AP3M1: variants seen among roughly 807,000 people sequenced by gnomAD.
The protein encoded by AP3M1 is adaptor related protein complex 3 subunit mu 1, also known as AP-3 complex subunit mu-1.
A neutral mutation model predicts 42.6 loss-of-function variants in AP3M1; 29 were observed. The ratio of observed to expected loss-of-function variants is 0.68; its 90% CI spans 0.51 to 0.93. AP3M1 has a LOEUF of 0.93. AP3M1 is among the 40% of genes least tolerant of loss of function. AP3M1 has a pLI of 0.00. For synonymous variants in AP3M1, 178 were observed against 175.3 expected (o/e 1.02, Z -0.12); for missense variants, 416 against 510.2 (o/e 0.82, Z 1.78).
At chr10:74,138,418 A>G (rs776057240) in intron 1 of AP3M1, 36 bp from the exon 2 acceptor site, 1 of 1,547,382 alleles carries the variant, frequency 6.5e-7, no homozygotes, top group Non-Finnish European at 8.8e-7. Context: ...TTTATTATAC[A>G]TTAAATATCA....
chr10:74,133,394 CAA>C (rs112024001), intron 4 of AP3M1, among the ~76,000 whole-genome samples: 10 of 117,750 alleles, frequency 8.5e-5, no homozygotes, highest in Admixed American at 1.7e-4. Context: ...AACTGCGTCT[CAA>C]AAAAAAAAAA....
intron 6 of AP3M1, among the ~76,000 whole-genome samples, chr10:74,126,669 C>G (rs888646284): frequency 6.6e-6 from 1 of 151,818 alleles, no homozygotes; most frequent in Non-Finnish European, 1.5e-5. Context: ...CCAGCCTGGC[C>G]AACATGATGA....
rs3830382 is a variant in AP3M1 at position 74,123,376 on chromosome 10, C to CTT, written c.*433_*434insAA. 116,950 of 159,650 alleles carry CTT rather than the reference C, an allele frequency of 0.73. 43,598 individuals are homozygous for CTT. The highest frequency in any genetic ancestry group is 0.85 in the Middle Eastern group (280 of 330). The allele number at this position is 159,650 out of a possible 1,614,324, so 9.9% of individuals were successfully genotyped here. ...TCTGGGGGTGGGGGGAATTTCCTCT[C>CTT]GGGACAGATACTGGTTTGGGATGGC... On this transcript the variant is annotated 3_prime_UTR_variant, in exon 9 of 9. Coordinates refer to ENST00000355264, the MANE Select transcript of AP3M1 (RefSeq NM_012095.6).
chr10:74,145,090 G>GA (rs1841289762), intron 1 of AP3M1, among the ~76,000 whole-genome samples: 1 of 152,134 alleles, frequency 6.6e-6, no homozygotes, highest in Admixed American at 6.5e-5. Flanking sequence ...TAAAAGCACC[G>GA]ACACAGGTTA....
rs982647715 is a variant in AP3M1 at position 74,123,622 on chromosome 10, A to T, written c.*188T>A. ...AAGATACAAAATAAGCTAAGTCACT[A>T]AAAGGTTTCCTTAGCTTAAAGCTCC... is the stretch of plus-strand genomic sequence containing the variant. On this transcript the variant is annotated 3_prime_UTR_variant, in exon 9 of 9. Coordinates refer to ENST00000355264, the MANE Select transcript of AP3M1 (RefSeq NM_012095.6). 87 of 583,472 alleles carry T rather than the reference A, an allele frequency of 1.5e-4. No individual in the cohort carries two copies. Among genetic ancestry groups the T allele is most frequent in the Non-Finnish European group, 2.1e-4 (68 of 327,834 alleles). The allele number at this position is 583,472 out of a possible 1,614,324, so 36.1% of individuals were successfully genotyped here.
intron 4 of AP3M1, among the ~76,000 whole-genome samples, chr10:74,131,479 T>C (rs1840779734): frequency 2.0e-5 from 3 of 151,822 alleles, no homozygotes; most frequent in Admixed American, 2.0e-4. Context: ...AATAGAATTT[T>C]AAAATGTGGC....
intron 4 of AP3M1, among the ~76,000 whole-genome samples, chr10:74,130,265 A>ACC (rs1177522451): frequency 6.6e-6 from 1 of 152,018 alleles, no homozygotes; most frequent in Non-Finnish European, 1.5e-5. Context: ...CAATAGAGAT[A>ACC]CCCTCTGGGT....
At chr10:74,149,253 T>G (rs907188199) in intron 1 of AP3M1, among the ~76,000 whole-genome samples, 1 of 133,896 alleles carries the variant, frequency 7.5e-6, no homozygotes, top group East Asian at 2.5e-4. Flanking sequence ...AGAGCTTTCC[T>G]AAAGATACGT....
intron 4 of AP3M1, among the ~76,000 whole-genome samples, chr10:74,131,386 C>A (rs1365156701): frequency 6.6e-6 from 1 of 152,000 alleles, no homozygotes; most frequent in Non-Finnish European, 1.5e-5. Context: ...CCAGGATGGT[C>A]TGGATCTCCT....
chr10:74,129,219 AC>A lies in AP3M1; in HGVS notation c.691del (p.Val231SerfsTer39). On this transcript the variant is annotated frameshift_variant, in exon 6 of 9. Transcript: ENST00000355264. LOFTEE classifies it high-confidence loss of function. ...SFMNPRLLDD[V>X]SFHPCIRFKR... ...GAACCGGATGCAGGGGTGAAAGCTGACATCATCCAGAAGCCTAGGGTTCTGC... is the reference window on the plus strand; with the variant it reads ...GAACCGGATGCAGGGGTGAAAGCTGAATCATCCAGAAGCCTAGGGTTCTGC... 6.2e-7 allele frequency: 1 copy of A among 1,614,114 alleles called. No individual in the cohort carries two copies. The highest frequency in any genetic ancestry group is 8.5e-7 in the Non-Finnish European group (1 of 1,180,000).
At chr10:74,128,092 C>T (rs1291021966) in intron 6 of AP3M1, among the ~76,000 whole-genome samples, 3 of 120,504 alleles carry the variant, frequency 2.5e-5, no homozygotes, top group South Asian at 2.6e-4. Flanking sequence ...AAGAGCCAAA[C>T]TCCGGCTTAA....
chr10:74,147,828 GTCTCTACTAAAAA>G (rs1841379011), intron 1 of AP3M1, among the ~76,000 whole-genome samples: 1 of 151,890 alleles, frequency 6.6e-6, no homozygotes, highest in South Asian at 2.1e-4. Flanking sequence ...GCGAAACCCT[GTCTCTACTAAAAA>G]TACAAAAGTT....
rs750468563 is a variant in AP3M1, at chr10:74,129,910, G to A, written c.666C>T (p.Phe222=). The change falls in exon 5 of 9, where the codon TTC becomes TTT. Residue 222 remains phenylalanine, a synonymous_variant. Coordinates refer to ENST00000355264, the MANE Select transcript of AP3M1 (RefSeq NM_012095.6). ...AAAACAGGAGAATAAAACTTACCAT[G>A]AAAGAAAGGGAGAGATCAGGCATTC... The part of the protein sequence containing the change: ...LSGMPDLSLS[F]MNPRLLDDVS... 6.2e-7 allele frequency: 1 copy of A among 1,610,514 alleles called. No homozygotes were observed. The highest frequency in any genetic ancestry group is 8.5e-7 in the Non-Finnish European group (1 of 1,177,126).
At chr10:74,132,195 G>A (rs183628852) in intron 4 of AP3M1, among the ~76,000 whole-genome samples, 2,055 of 151,716 alleles carry the variant, frequency 0.014, 55 homozygotes, top group African/African-American at 0.047. Context: ...CTGCCACCAC[G>A]CCCAGCTAAT....
intron 1 of AP3M1, among the ~76,000 whole-genome samples, chr10:74,144,257 G>A (rs565257434): frequency 1.3e-3 from 204 of 151,764 alleles, no homozygotes; most frequent in African/African-American, 4.5e-3. Context: ...CACCATGCCC[G>A]GCTTTTTTAT....
At chr10:74,146,361 C>G (rs1481918923) in intron 1 of AP3M1, among the ~76,000 whole-genome samples, 2 of 152,050 alleles carry the variant, frequency 1.3e-5, no homozygotes, top group African/African-American at 4.8e-5. Context: ...ATCATGCAAT[C>G]CGATTTACAT....
chr10:74,128,155 C>T (rs926276108), intron 6 of AP3M1, among the ~76,000 whole-genome samples: 1 of 143,558 alleles, frequency 7.0e-6, no homozygotes, highest in Non-Finnish European at 1.5e-5. Flanking sequence ...AATAATTTCT[C>T]TGTTTTTGAG....
chr10:74,126,043 CTTTAGT>C (rs1361350219), intron 7 of AP3M1, 99 bp downstream of exon 7: 2 of 1,212,518 alleles, frequency 1.6e-6, no homozygotes, highest in African/African-American at 1.5e-5. Context: ...TTGATACGAA[CTTTAGT>C]TTTAAACAAG....
chr10:74,126,068 C>G (rs1278002252), intron 7 of AP3M1, 80 bp downstream of exon 7: 16 of 1,475,004 alleles, frequency 1.1e-5, no homozygotes, highest in Non-Finnish European at 1.5e-5. Flanking sequence ...AGGTGCCAAA[C>G]CTTTCCCTCC....
Sources: allele counts gnomAD v4.1 joint callset (sites outside exome capture counted in the v4.1 genomes callset), GRCh38; gene constraint gnomAD v4.1.1; transcripts MANE v1.5; gene names NCBI Gene and HGNC (gene_info 2026-07-23, HGNC 2026-07-21).